The following ENPP3 variants were observed in gnomAD, a reference collection of about 807,000 sequenced individuals.
ENPP3 encodes ectonucleotide pyrophosphatase/phosphodiesterase 3.
ENPP3 carries 104 observed loss-of-function variants against 117.8 expected under a neutral mutation model. The observed-to-expected ratio is 0.88, with a 90% CI of 0.75 to 1.04. The LOEUF is 1.04. Among genes scored for constraint, ENPP3 ranks in the 50% least tolerant of loss-of-function variants. The pLI is 0.00. For missense variants in ENPP3, 1,026 were observed against 1,051.9 expected (o/e 0.98, Z 0.34); for synonymous variants, 380 against 349.9 (o/e 1.09, Z -0.96).
At chr6:131,695,752 A>G (rs1403582890) in intron 15 of ENPP3, among the ~76,000 whole-genome samples, 2 of 151,674 alleles carry the variant, frequency 1.3e-5, no homozygotes, top group African/African-American at 2.4e-5. Flanking sequence ...CATCTCTACT[A>G]AAAAAATACA....
intron 12 of ENPP3, among the ~76,000 whole-genome samples, chr6:131,683,927 A>G (rs1779089736): frequency 6.6e-6 from 1 of 151,532 alleles, no homozygotes; most frequent in Admixed American, 6.6e-5. Context: ...ATTTTTTTGT[A>G]TTTTTAGTAG....
At chr6:131,642,374 G>A (rs113204478) in intron 2 of ENPP3, among the ~76,000 whole-genome samples, 21 of 152,120 alleles carry the variant, frequency 1.4e-4, no homozygotes, top group African/African-American at 4.6e-4. Flanking sequence ...AAGAAGCAAA[G>A]AAAAATAGGA....
At chr6:131,652,753 T>G (rs1205574880) in intron 4 of ENPP3, 78 bp from the exon 5 acceptor site, 1 of 1,595,052 alleles carries the variant, frequency 6.3e-7, no homozygotes, top group East Asian at 2.2e-5. Flanking sequence ...GCTGCAAAAA[T>G]CAAAACACAT....
At position 131,724,232 on chromosome 6, in the gene ENPP3, A is replaced by AAAAAAACAAAAAACC. The variant is rs1554268306; in HGVS notation, c.1798+147_1798+148insCAAAAAACCAAAAAA. 8.2e-6 allele frequency: 5 copies of AAAAAAACAAAAAACC among 608,900 alleles called. No homozygotes were observed. The African/African-American group carries it at 9.9e-5, about 12-fold the overall frequency. 37.7% of individuals were successfully genotyped at this position (608,900 alleles called of 1,614,324 possible). A position where few individuals can be genotyped will look rare whatever the true frequency, so the allele number is the denominator to read the frequency against. Reference sequence around the variant, plus strand: ...ATTGCCAATATACAAAAGGTAAAAAAAAAAAAACTCACAACAGATATAATG... The same window carrying AAAAAAACAAAAAACC: ...ATTGCCAATATACAAAAGGTAAAAAAAAAAAACAAAAAACCAAAAAAACTCACAACAGATATAATG... On this transcript the variant is annotated intron_variant, in intron 19 of 24. Coordinates refer to ENST00000357639, the MANE Select transcript of ENPP3 (RefSeq NM_005021.5).
chr6:131,674,438 T>G, intron 8 of ENPP3, 157 bp downstream of exon 8: 1 of 706,000 alleles, frequency 1.4e-6, no homozygotes, highest in Non-Finnish European at 2.5e-6. Flanking sequence ...GTAACTTGAA[T>G]TTTTAAAACA....
At chr6:131,661,097 T>C (rs1242735534) in intron 6 of ENPP3, among the ~76,000 whole-genome samples, 1 of 152,226 alleles carries the variant, frequency 6.6e-6, no homozygotes, top group Admixed American at 6.5e-5. Flanking sequence ...TTCCATTGTA[T>C]GTATATGCCA....
chr6:131,724,794 T>C (rs1259848812), intron 19 of ENPP3, among the ~76,000 whole-genome samples: 1 of 152,172 alleles, frequency 6.6e-6, no homozygotes, highest in Admixed American at 6.5e-5. Flanking sequence ...CATCACTAAT[T>C]GATGGATTTT....
chr6:131,732,082 T>C (rs1157081338), intron 20 of ENPP3, among the ~76,000 whole-genome samples: 1 of 152,164 alleles, frequency 6.6e-6, no homozygotes. Flanking sequence ...AACTCAGAGG[T>C]TTCAGACAAC....
At chr6:131,676,658 A>C (rs2286453) in intron 9 of ENPP3, 78 bp from the exon 10 acceptor site, 180,895 of 963,196 alleles carry the variant, frequency 0.19, 29,559 homozygotes, top group African/African-American at 0.72. Flanking sequence ...AAGATATTAA[A>C]CTTTCTGAAT....
intron 14 of ENPP3, among the ~76,000 whole-genome samples, chr6:131,692,540 C>T (rs1033732764): frequency 4.0e-5 from 6 of 150,658 alleles, no homozygotes; most frequent in Admixed American, 6.6e-5. Flanking sequence ...TTTTTTTACT[C>T]ATATCTACTA....
At position 131,725,954 on chromosome 6, in the gene ENPP3, A is replaced by C. The variant is rs186091260; in HGVS notation, c.1799-92A>C. On this transcript the variant is annotated intron_variant, in intron 19 of 24. Transcript: ENST00000357639. ...TACTTGTCATATAATAAGCCATAAG[A>C]GAGTGGTAGTTATTATATGGGTAGT... The C allele has an allele frequency of 1.3e-5, 10 of 742,272 alleles. No individual in the cohort carries two copies. The Admixed American group carries it at 2.3e-4, about 17-fold the overall frequency. 46.0% of individuals were successfully genotyped at this position (742,272 alleles called of 1,614,324 possible). A position where few individuals can be genotyped will look rare whatever the true frequency, so the allele number is the denominator to read the frequency against.
chr6:131,740,267 G>A lies in ENPP3; in HGVS notation c.2344G>A (p.Val782Met). 6.2e-7 allele frequency: 1 copy of A among 1,612,608 alleles called. No individual in the cohort carries two copies. The highest frequency in any genetic ancestry group is 1.1e-5 in the South Asian group (1 of 90,796). ...TDVPIPTHYF[V>M]VLTSCKNKSH... Reference sequence around the variant, plus strand: ...TGTTCCCATCCCAACACACTACTTTGTGGTGCTGACCAGTTGTAAAAACAA... The same window carrying A: ...TGTTCCCATCCCAACACACTACTTTATGGTGCTGACCAGTTGTAAAAACAA... The change falls in exon 24 of 25, where the codon GTG becomes ATG. Residue 782 changes from valine to methionine, a missense_variant. Physicochemically the swap from Val to Met is conservative, Grantham distance 21. Transcript: ENST00000357639.
At chr6:131,637,526 C>T in intron 1 of ENPP3, 64 bp downstream of exon 1, 1 of 901,466 alleles carries the variant, frequency 1.1e-6, no homozygotes, top group East Asian at 2.7e-5. Context: ...TATATGATTT[C>T]CCATTTACAT....
Position 131,670,973 on chromosome 6 carries a change from A to G in ENPP3, c.563-275A>G, listed in dbSNP as rs180684638. On this transcript the variant is annotated intron_variant, in intron 6 of 24. Coordinates refer to ENST00000357639, the MANE Select transcript of ENPP3 (RefSeq NM_005021.5). ...AATGGCAGAGTGGAGGTGTTTCAAC[A>G]AAGACCATATAGCTTTGCAAAGCCC... 4.6e-5 allele frequency among the ~76,000 whole-genome samples: 7 copies of G among 152,278 alleles called. 1 individual carries two copies. The highest frequency in any genetic ancestry group is 3.3e-4 in the Admixed American group (5 of 15,288).
intron 12 of ENPP3, among the ~76,000 whole-genome samples, chr6:131,683,449 A>G (rs1421847297): frequency 6.6e-6 from 1 of 152,170 alleles, no homozygotes; most frequent in East Asian, 1.9e-4. Context: ...TCAATCTAAA[A>G]AGTGCTTTGG....
intron 23 of ENPP3, among the ~76,000 whole-genome samples, chr6:131,739,395 G>A (rs1179044794): frequency 6.6e-6 from 1 of 152,118 alleles, no homozygotes; most frequent in African/African-American, 2.4e-5. Flanking sequence ...TCACTTCCTT[G>A]GAAAGCTGAG....
intron 21 of ENPP3, among the ~76,000 whole-genome samples, chr6:131,734,637 C>T (rs1341077863): frequency 6.6e-6 from 1 of 152,064 alleles, no homozygotes. Flanking sequence ...TGGCTCACGT[C>T]TGTAATCCCA....
At chr6:131,665,630 C>A (rs559674567) in intron 6 of ENPP3, among the ~76,000 whole-genome samples, 1 of 151,972 alleles carries the variant, frequency 6.6e-6, no homozygotes, top group African/African-American at 2.4e-5. Flanking sequence ...CTCTCTTTTT[C>A]TTGGTCTAGT....
rs1562447085 is a variant in ENPP3 at position 131,679,089 on chromosome 6, T to TTTCCTTCCTTC, written c.1011+1149_1011+1150insTTCCTTCCTTC. ...TCTTTCTTTCTTTCTTTCTTTCTTT[T>TTTCCTTCCTTC]CTTCTTTCTTTCTTTCCTTTTTTGA... On this transcript the variant is annotated intron_variant, in intron 11 of 24. Transcript: ENST00000357639. 4.7e-4 allele frequency among the ~76,000 whole-genome samples: 38 copies of TTTCCTTCCTTC among 80,532 alleles called. 1 individual carries two copies. The highest frequency in any genetic ancestry group is 2.2e-3 in the African/African-American group (36 of 16,402). 52.8% of individuals were successfully genotyped at this position (80,532 alleles called of 152,430 possible).
Sources: allele counts gnomAD v4.1 joint callset (sites outside exome capture counted in the v4.1 genomes callset), GRCh38; gene constraint gnomAD v4.1.1; transcripts MANE v1.5; gene names NCBI Gene and HGNC (gene_info 2026-07-23, HGNC 2026-07-21).